KLRF2: variants seen among roughly 807,000 people sequenced by gnomAD.
KLRF2 encodes killer cell lectin like receptor F2, also known as killer cell lectin-like receptor subfamily F member 2.
Under a neutral mutation model 25.3 loss-of-function variants are expected in KLRF2, and 28 were observed. The observed-to-expected ratio is 1.11, with a 90% CI of 0.82 to 1.52. The LOEUF (loss-of-function observed/expected upper bound fraction) is 1.52. Among genes scored for constraint, KLRF2 ranks in the 40% most tolerant of loss-of-function variants. KLRF2 has a pLI of 0.00. For synonymous variants in KLRF2, 73 were observed against 85.0 expected, an observed-to-expected ratio of 0.86 and a Z score of 0.78; for missense variants, 265 against 245.8, an observed-to-expected ratio of 1.08 and a Z score of -0.52.
rs1410154891 is a variant in KLRF2 at position 9,893,114 on chromosome 12, T to A, written c.312T>A (p.Arg104=). The change falls in exon 4 of 6, where the codon CGT becomes CGA. Residue 104 remains arginine, a synonymous_variant. Transcript: ENST00000535540. ...TTAAAACGTGGAAAGAGAGTCAACG[T>A]GATTGTACACAGCTACAGGCACATT... The part of the protein sequence containing the change: ...TSFKTWKESQ[R]DCTQLQAHLL... 6.5e-7 allele frequency: 1 copy of A among 1,535,892 alleles called. No homozygotes were observed. Among genetic ancestry groups the A allele is most frequent in the Admixed American group, 2.0e-5 (1 of 50,996 alleles).
intron 3 of KLRF2, among the ~76,000 whole-genome samples, chr12:9,891,274 TAA>T (rs979558149): frequency 6.6e-6 from 1 of 152,348 alleles, no homozygotes; most frequent in African/African-American, 2.4e-5. Flanking sequence ...GCAGTTGATA[TAA>T]AGAGTTGCTC....
At chr12:9,894,974 G>A (rs1419757049) in intron 5 of KLRF2, among the ~76,000 whole-genome samples, 2 of 152,074 alleles carry the variant, frequency 1.3e-5, no homozygotes, top group African/African-American at 2.4e-5. Context: ...GGTTATAACA[G>A]TGTTCAGTCT....
At chr12:9,893,347 G>A in intron 4 of KLRF2, 82 bp from the exon 5 acceptor site, 2 of 816,554 alleles carry the variant, frequency 2.4e-6, no homozygotes, top group Non-Finnish European at 3.8e-6. Flanking sequence ...TTTTATTAAT[G>A]CCGGCACAGA....
Position 9,891,326 on chromosome 12 carries a change from TC to T in KLRF2, c.218-1693del, listed in dbSNP as rs543303415. On this transcript the variant is annotated intron_variant, in intron 3 of 5. Coordinates refer to ENST00000535540, the MANE Select transcript of KLRF2 (RefSeq NM_001190765.1). Reference sequence around the variant, plus strand: ...TCAATTTTCATCCTGTATTTCTTCTTCTTTTAGAAGATGGGACTTAAATCTG... The same window carrying T: ...TCAATTTTCATCCTGTATTTCTTCTTTTTTAGAAGATGGGACTTAAATCTG... 7.2e-5 allele frequency among the ~76,000 whole-genome samples: 11 copies of T among 152,314 alleles called. No individual in the cohort carries two copies. The South Asian group carries it at 1.9e-3, about 26-fold the overall frequency.
In KLRF2 at chr12:9,887,374, TC is replaced by T. The variant is rs1039485347; in HGVS notation, c.170-1354del. ...AAGGGTTTACATAAATAATTAGTTT[TC>T]CCCCAAAGCAAATTAGCATCAGATT... On this transcript the variant is annotated intron_variant, in intron 2 of 5. Transcript: ENST00000535540. Among the ~76,000 whole-genome samples the T allele has an allele frequency of 8.5e-5, 13 of 152,250 alleles. No homozygotes were observed. In the East Asian group the frequency reaches 1.4e-3, roughly 16 times the overall value.
chr12:9,888,008 A>G (rs947280376), intron 2 of KLRF2, among the ~76,000 whole-genome samples: 14 of 139,010 alleles, frequency 1.0e-4, no homozygotes, highest in Admixed American at 3.0e-4. Flanking sequence ...GTGAGCCATG[A>G]TGGCCCACTG....
intron 3 of KLRF2, among the ~76,000 whole-genome samples, chr12:9,892,580 CTTTTTTTTTTT>C (rs66824753): frequency 2.9e-5 from 3 of 104,836 alleles, no homozygotes; most frequent in Non-Finnish European, 5.5e-5. Flanking sequence ...TACAGAACTG[CTTTTTTTTTTT>C]TTTTTTTTTT....
intron 5 of KLRF2, among the ~76,000 whole-genome samples, chr12:9,894,210 C>T (rs1350561685): frequency 6.8e-6 from 1 of 146,618 alleles, no homozygotes; most frequent in Non-Finnish European, 1.5e-5. Flanking sequence ...TCAGCAGAGC[C>T]TTGCTCTGTG....
intron 2 of KLRF2, 54 bp downstream of exon 2, chr12:9,885,086 C>T (rs1868135567): frequency 1.7e-6 from 1 of 572,842 alleles, no homozygotes; most frequent in Non-Finnish European, 2.6e-6. Context: ...AATGTTGATC[C>T]TTCATTCCTC....
chr12:9,886,435 T>A (rs1195307594), intron 2 of KLRF2, among the ~76,000 whole-genome samples: 2 of 152,066 alleles, frequency 1.3e-5, no homozygotes, highest in East Asian at 3.8e-4. Context: ...GATAGCATAA[T>A]GCTATTGGAT....
intron 3 of KLRF2, among the ~76,000 whole-genome samples, chr12:9,892,108 T>C (rs1183874166): frequency 6.6e-6 from 1 of 152,230 alleles, no homozygotes; most frequent in Non-Finnish European, 1.5e-5. Context: ...TCCTTTGCTT[T>C]AGCAAATGTA....
chr12:9,894,126 TTCTCTCTCTCTC>T (rs141327204), intron 5 of KLRF2, among the ~76,000 whole-genome samples: 93 of 130,290 alleles, frequency 7.1e-4, no homozygotes, highest in African/African-American at 2.2e-3. Flanking sequence ...TTTCTTTTCT[TTCTCTCTCTCTC>T]TCTCTCTCTC....
chr12:9,886,209 C>T (rs1054005439), intron 2 of KLRF2, among the ~76,000 whole-genome samples: 7 of 151,928 alleles, frequency 4.6e-5, no homozygotes, highest in African/African-American at 1.7e-4. Flanking sequence ...GTAACAATTA[C>T]AATATGTGTG....
intron 1 of KLRF2, among the ~76,000 whole-genome samples, chr12:9,882,123 A>T (rs1022336335): frequency 1.9e-4 from 29 of 152,182 alleles, no homozygotes; most frequent in African/African-American, 6.3e-4. Flanking sequence ...AAAAACAAAA[A>T]AACATTAATC....
Position 9,893,113 on chromosome 12 carries a change from G to A in KLRF2, c.311G>A (p.Arg104His), listed in dbSNP as rs909646098. 6.5e-6 allele frequency: 10 copies of A among 1,535,676 alleles called. No homozygotes were observed. Among genetic ancestry groups the A allele is most frequent in the South Asian group, 3.6e-5 (3 of 84,036 alleles). ...TSFKTWKESQ[R>H]DCTQLQAHLL... Reference sequence around the variant, plus strand: ...TTTAAAACGTGGAAAGAGAGTCAACGTGATTGTACACAGCTACAGGCACAT... The same window carrying A: ...TTTAAAACGTGGAAAGAGAGTCAACATGATTGTACACAGCTACAGGCACAT... The change falls in exon 4 of 6, where the codon CGT becomes CAT. Residue 104 changes from arginine to histidine, a missense_variant. Transcript: ENST00000535540.
At chr12:9,892,939 C>T (rs1862698002) in intron 3 of KLRF2, 81 bp from the exon 4 acceptor site, 6 of 1,160,686 alleles carry the variant, frequency 5.2e-6, no homozygotes, top group African/African-American at 4.7e-5. Context: ...ATCTATTTTC[C>T]AAGTAGTCAC....
At chr12:9,889,519 A>C (rs1466011188) in intron 3 of KLRF2, among the ~76,000 whole-genome samples, 1 of 152,128 alleles carries the variant, frequency 6.6e-6, no homozygotes, top group Non-Finnish European at 1.5e-5. Context: ...CTTCCTTCAG[A>C]CTGAAGATAT....
At chr12:9,885,823 T>G (rs1310911893) in intron 2 of KLRF2, among the ~76,000 whole-genome samples, 2 of 152,086 alleles carry the variant, frequency 1.3e-5, no homozygotes, top group Non-Finnish European at 2.9e-5. Context: ...AAATGTCCAC[T>G]TATTTAACAT....
chr12:9,890,415 GCTCT>G (rs1015557110), intron 3 of KLRF2, among the ~76,000 whole-genome samples: 12 of 152,160 alleles, frequency 7.9e-5, no homozygotes, highest in Non-Finnish European at 5.9e-5. Flanking sequence ...CCTCTTCCAA[GCTCT>G]CTCTTACGGT....
Sources: allele counts gnomAD v4.1 joint callset (sites outside exome capture counted in the v4.1 genomes callset), GRCh38; gene constraint gnomAD v4.1.1; transcripts MANE v1.5; gene names NCBI Gene and HGNC (gene_info 2026-07-23, HGNC 2026-07-21).